Variants in VAMP4 observed in about 807,000 individuals in gnomAD.
VAMP4 encodes the protein vesicle associated membrane protein 4.
Under a neutral mutation model 23.5 loss-of-function variants are expected in VAMP4, and 19 were observed. That is an observed-to-expected ratio of 0.81 (90% CI 0.56 to 1.19). The LOEUF (loss-of-function observed/expected upper bound fraction) is 1.19. Among genes scored for constraint, VAMP4 ranks in the 50% most tolerant of loss-of-function variants. VAMP4 has a pLI of 0.00. For synonymous variants in VAMP4, 31 were observed against 51.0 expected, an observed-to-expected ratio of 0.61 and a Z score of 1.67; for missense variants, 145 against 168.6, an observed-to-expected ratio of 0.86 and a Z score of 0.78.
At position 171,735,672 on chromosome 1, in the gene VAMP4, G is replaced by T. The variant is rs761611009; in HGVS notation, c.66+2677C>A. On this transcript the variant is annotated intron_variant, in intron 2 of 7. Transcript: ENST00000236192. ...AGAGGCTCAGATTCTTCTAACCGAT[G>T]ATTTAAAAAATATTTCAGCATGCTT... Among the ~76,000 whole-genome samples, 14 of 152,260 alleles carry T rather than the reference G, an allele frequency of 9.2e-5. No homozygotes were observed. The Middle Eastern group carries it at 0.01, about 111-fold the overall frequency.
intron 2 of VAMP4, 74 bp from the exon 3 acceptor site, chr1:171,728,644 TA>T: frequency 7.0e-7 from 1 of 1,427,692 alleles, no homozygotes; most frequent in Non-Finnish European, 9.4e-7. Flanking sequence ...AGTAATGAAA[TA>T]AGTCCTATAC....
chr1:171,704,402 AAAAGAAGTTTTGAAAGTT>A lies in VAMP4; in HGVS notation c.*86_*103del. 1 of 959,234 alleles carries A rather than the reference AAAAGAAGTTTTGAAAGTT, an allele frequency of 1.0e-6. No individual in the cohort carries two copies. The highest frequency in any genetic ancestry group is 2.3e-4 in the Middle Eastern group (1 of 4,288). The allele number at this position is 959,234 out of a possible 1,614,324, so 59.4% of individuals were successfully genotyped here. ...TGATACTTGCCTCTTAGTTTCTTGAAAAAGAAGTTTTGAAAGTTATATACACATAGGTTTCATTTAAAT... is the reference window on the plus strand; with the variant it reads ...TGATACTTGCCTCTTAGTTTCTTGAAATATACACATAGGTTTCATTTAAAT... On this transcript the variant is annotated 3_prime_UTR_variant, in exon 8 of 8. Transcript: ENST00000236192.
rs200788215 is a variant in VAMP4, at chr1:171,725,975, A to AC, written c.113+2548dup. Among the ~76,000 whole-genome samples, 687 of 151,834 alleles carry AC rather than the reference A, an allele frequency of 4.5e-3. 5 individuals carry two copies. Among genetic ancestry groups the AC allele is most frequent in the African/African-American group, 0.014 (572 of 41,368 alleles). On this transcript the variant is annotated intron_variant, in intron 3 of 7. Coordinates refer to ENST00000236192, the MANE Select transcript of VAMP4 (RefSeq NM_003762.5). ...AGTGCTGGGATTACAGGCGTGAGCC[A>AC]CTGTGCCTGGCCAGGTTTCCGTTAA... is the stretch of plus-strand genomic sequence containing the variant.
chr1:171,729,918 T>C (rs1655506439), intron 2 of VAMP4, among the ~76,000 whole-genome samples: 1 of 152,136 alleles, frequency 6.6e-6, no homozygotes, highest in Non-Finnish European at 1.5e-5. Flanking sequence ...AAGATCATTA[T>C]GAATTATTCA....
intron 4 of VAMP4, among the ~76,000 whole-genome samples, chr1:171,712,325 GCA>G (rs1654874121): frequency 6.6e-6 from 1 of 152,058 alleles, no homozygotes; most frequent in Admixed American, 6.6e-5. Context: ...GAGGGGTGAG[GCA>G]CAGTCATGTT....
chr1:171,731,046 T>G (rs890133924), intron 2 of VAMP4, among the ~76,000 whole-genome samples: 1 of 103,072 alleles, frequency 9.7e-6, no homozygotes, highest in African/African-American at 4.3e-5. Context: ...CTACTAAAAA[T>G]ACAAAAAAAC....
chr1:171,715,668 G>A (rs560877208), intron 4 of VAMP4, among the ~76,000 whole-genome samples: 1 of 152,074 alleles, frequency 6.6e-6, no homozygotes, highest in East Asian at 1.9e-4. Context: ...AGTGCCCTTC[G>A]ATTAAGAAAC....
chr1:171,705,898 C>T (rs1654632911), intron 7 of VAMP4, among the ~76,000 whole-genome samples: 1 of 151,508 alleles, frequency 6.6e-6, no homozygotes, highest in African/African-American at 2.4e-5. Context: ...AACTACAGAA[C>T]AAAACAAAAA....
At chr1:171,730,239 A>G (rs556574776) in intron 2 of VAMP4, among the ~76,000 whole-genome samples, 1 of 152,302 alleles carries the variant, frequency 6.6e-6, no homozygotes, top group East Asian at 1.9e-4. Flanking sequence ...AAACTAATAC[A>G]CTACCCATGT....
At chr1:171,741,146 CTCAAATGAGTCACA>C (rs1056721450) in intron 1 of VAMP4, among the ~76,000 whole-genome samples, 10 of 152,212 alleles carry the variant, frequency 6.6e-5, no homozygotes, top group Admixed American at 4.6e-4. Flanking sequence ...ATACAATTCA[CTCAAATGAGTCACA>C]TCACCGTATG....
intron 3 of VAMP4, among the ~76,000 whole-genome samples, chr1:171,725,196 T>C (rs1425832588): frequency 2.0e-5 from 3 of 152,242 alleles, no homozygotes; most frequent in African/African-American, 7.2e-5. Context: ...CTTTTATGAC[T>C]GGCTTCTTTT....
chr1:171,707,350 C>T (rs1654691160), intron 6 of VAMP4, among the ~76,000 whole-genome samples: 1 of 151,970 alleles, frequency 6.6e-6, no homozygotes, highest in South Asian at 2.1e-4. Context: ...CAAATATATC[C>T]AGCTGTTAAT....
chr1:171,735,020 A>C (rs905465817), intron 2 of VAMP4, among the ~76,000 whole-genome samples: 5 of 152,192 alleles, frequency 3.3e-5, no homozygotes, highest in Non-Finnish European at 5.9e-5. Flanking sequence ...ACATATTATT[A>C]AACTGGTATT....
At chr1:171,728,414 C>G in intron 3 of VAMP4, 110 bp downstream of exon 3, 1 of 856,656 alleles carries the variant, frequency 1.2e-6, no homozygotes, top group Non-Finnish European at 1.7e-6. Flanking sequence ...GCATCTCTCA[C>G]GTATAAGGGA....
intron 4 of VAMP4, among the ~76,000 whole-genome samples, chr1:171,712,068 T>A (rs1283384285): frequency 2.0e-5 from 3 of 152,162 alleles, no homozygotes; most frequent in African/African-American, 7.2e-5. Flanking sequence ...TGTGTAAGTA[T>A]ACTACTCTAT....
intron 5 of VAMP4, among the ~76,000 whole-genome samples, chr1:171,710,313 G>T (rs1654809148): frequency 6.6e-6 from 1 of 151,556 alleles, no homozygotes; most frequent in Admixed American, 6.6e-5. Flanking sequence ...TAGGTGTAAT[G>T]ACTGAAAGTA....
intron 6 of VAMP4, among the ~76,000 whole-genome samples, chr1:171,708,550 T>C (rs1016776254): frequency 3.3e-5 from 5 of 151,668 alleles, no homozygotes; most frequent in African/African-American, 9.7e-5. Context: ...CCTCAGCATA[T>C]GGCTAAGTCA....
At chr1:171,717,794 C>CTA (rs1417119132) in intron 4 of VAMP4, among the ~76,000 whole-genome samples, 1 of 152,128 alleles carries the variant, frequency 6.6e-6, no homozygotes, top group Non-Finnish European at 1.5e-5. Context: ...CTGAGAGCTA[C>CTA]TAACTTTGGC....
At chr1:171,733,303 A>G (rs1655621672) in intron 2 of VAMP4, among the ~76,000 whole-genome samples, 1 of 149,630 alleles carries the variant, frequency 6.7e-6, no homozygotes, top group Non-Finnish European at 1.5e-5. Context: ...ACAAAAAAAA[A>G]AAAAAAAAAA....
Sources: gnomAD v4.1 joint callset for allele counts (sites outside exome capture counted in the v4.1 genomes callset) on GRCh38, gnomAD v4.1.1 for gene constraint, MANE v1.5 for transcripts, NCBI Gene and HGNC (gene_info 2026-07-23, HGNC 2026-07-21) for gene names.